Variants in PDCL2 observed in about 807,000 individuals in gnomAD.
PDCL2 encodes the protein phosducin-like protein 2.
A neutral mutation model predicts 30.3 loss-of-function variants in PDCL2; 23 were observed. That is an observed-to-expected ratio of 0.76 (90% confidence interval 0.55 to 1.08). PDCL2 has a LOEUF of 1.08. PDCL2 is among the 50% of genes least tolerant of loss of function. The pLI is 0.00. For synonymous variants in PDCL2, 68 were observed against 86.2 expected, an observed-to-expected ratio of 0.79 and a Z score of 1.17; for missense variants, 243 against 282.3, an observed-to-expected ratio of 0.86 and a Z score of 1.00.
At chr4:55,591,870 T>C (rs1733012364) in intron 1 of PDCL2, among the ~76,000 whole-genome samples, 2 of 152,236 alleles carry the variant, frequency 1.3e-5, no homozygotes, top group Non-Finnish European at 2.9e-5. Flanking sequence ...GTAACAACTC[T>C]TTTAACGTTT....
intron 3 of PDCL2, among the ~76,000 whole-genome samples, chr4:55,574,270 ACAGGTAGGGTGAT>A (rs2110160950): frequency 6.6e-6 from 1 of 152,300 alleles, no homozygotes; most frequent in East Asian, 1.9e-4. Flanking sequence ...TGTGGTAGAG[ACAGGTAGGGTGAT>A]CATCATTGTA....
In PDCL2 at chr4:55,564,701, G is replaced by A. The variant is rs117514818; in HGVS notation, c.363-2089C>T. ...CTTAAGGAGGCTAAGCCTTCATTCC[G>A]ATAAAAAGTGGGTCTAATCCTATCA... On this transcript the variant is annotated intron_variant, in intron 4 of 5. Coordinates refer to ENST00000295645, the MANE Select transcript of PDCL2 (RefSeq NM_152401.3). Among the ~76,000 whole-genome samples the A allele has an allele frequency of 3.0e-4, 45 of 152,236 alleles. No homozygotes were observed. The East Asian group carries it at 7.5e-3, about 25-fold the overall frequency.
At chr4:55,590,459 CAA>C (rs60866606) in intron 1 of PDCL2, among the ~76,000 whole-genome samples, 8 of 95,738 alleles carry the variant, frequency 8.4e-5, no homozygotes, top group Admixed American at 1.2e-4. Context: ...ATCCTGTCTC[CAA>C]AAAAAAAAAA....
intron 3 of PDCL2, among the ~76,000 whole-genome samples, chr4:55,580,592 T>C (rs1732683875): frequency 6.6e-6 from 1 of 152,192 alleles, no homozygotes; most frequent in African/African-American, 2.4e-5. Flanking sequence ...TTGATGAAGT[T>C]ATATTGTACA....
chr4:55,566,429 C>CT (rs59299412), intron 4 of PDCL2, among the ~76,000 whole-genome samples: 39,923 of 126,876 alleles, frequency 0.31, 7,086 homozygotes, highest in Middle Eastern at 0.41. Flanking sequence ...TCCTTTTTCT[C>CT]TTTTTTTTTT....
At chr4:55,575,622 C>T (rs1454528736) in intron 3 of PDCL2, among the ~76,000 whole-genome samples, 1 of 152,154 alleles carries the variant, frequency 6.6e-6, no homozygotes, top group Non-Finnish European at 1.5e-5. Context: ...CATGGGGATA[C>T]ATCATAAACT....
At chr4:55,568,640 T>A (rs761549188) in intron 4 of PDCL2, among the ~76,000 whole-genome samples, 1 of 152,186 alleles carries the variant, frequency 6.6e-6, no homozygotes, top group East Asian at 1.9e-4. Context: ...GGATTCATAG[T>A]ATACCACACC....
chr4:55,580,465 GTAAT>G (rs1275936101), intron 3 of PDCL2, among the ~76,000 whole-genome samples: 1 of 152,096 alleles, frequency 6.6e-6, no homozygotes, highest in Non-Finnish European at 1.5e-5. Flanking sequence ...TTTAAGAATA[GTAAT>G]TAATTATTCA....
At chr4:55,569,974 C>T (rs1387328753) in intron 3 of PDCL2, 113 bp from the exon 4 acceptor site, 3 of 683,792 alleles carry the variant, frequency 4.4e-6, no homozygotes, top group Non-Finnish European at 6.6e-6. Flanking sequence ...ATATCAAACA[C>T]TTTAAATGAT....
At chr4:55,557,949 TA>T (rs1732015402) in intron 5 of PDCL2, among the ~76,000 whole-genome samples, 8 of 10,594 alleles carry the variant, frequency 7.6e-4, no homozygotes, top group African/African-American at 2.1e-3. Flanking sequence ...CTACTAAAAA[TA>T]CAAAAAAAAA....
chr4:55,588,798 G>A (rs908300893), intron 1 of PDCL2, among the ~76,000 whole-genome samples: 4 of 151,778 alleles, frequency 2.6e-5, no homozygotes, highest in Admixed American at 6.6e-5. Flanking sequence ...AAATATGTGT[G>A]GGTTTATTTC....
At chr4:55,580,343 T>C (rs1034482487) in intron 3 of PDCL2, among the ~76,000 whole-genome samples, 1 of 152,206 alleles carries the variant, frequency 6.6e-6, no homozygotes, top group Non-Finnish European at 1.5e-5. Flanking sequence ...GGATAAATAC[T>C]GGTCTTGTAA....
At chr4:55,580,104 C>T (rs1395136881) in intron 3 of PDCL2, among the ~76,000 whole-genome samples, 6 of 151,748 alleles carry the variant, frequency 4.0e-5, no homozygotes, top group Non-Finnish European at 8.8e-5. Flanking sequence ...GCCTCAGCCT[C>T]CCAAAGTGCT....
At chr4:55,570,799 T>C (rs1732402077) in intron 3 of PDCL2, among the ~76,000 whole-genome samples, 1 of 152,214 alleles carries the variant, frequency 6.6e-6, no homozygotes, top group Non-Finnish European at 1.5e-5. Flanking sequence ...GGTTTCTGAC[T>C]GTCTGCAAGT....
intron 3 of PDCL2, among the ~76,000 whole-genome samples, chr4:55,575,069 C>A (rs994746850): frequency 6.6e-6 from 1 of 152,126 alleles, no homozygotes; most frequent in Non-Finnish European, 1.5e-5. Flanking sequence ...TTATTATAAC[C>A]ACCTTAGTGT....
At chr4:55,591,053 T>C (rs532868566) in intron 1 of PDCL2, among the ~76,000 whole-genome samples, 1 of 152,284 alleles carries the variant, frequency 6.6e-6, no homozygotes, top group Non-Finnish European at 1.5e-5. Flanking sequence ...TCAGGACAAA[T>C]CTGCAATGTT....
intron 5 of PDCL2, 24 bp from the exon 6 acceptor site, chr4:55,556,735 A>T: frequency 6.7e-7 from 1 of 1,482,490 alleles, no homozygotes; most frequent in South Asian, 1.4e-5. Context: ...CCCATCATTC[A>T]GTTAAAAATC....
chr4:55,569,739 A>G lies in PDCL2; in HGVS notation c.341T>C (p.Ile114Thr). 1 of 1,557,658 alleles carries G rather than the reference A, an allele frequency of 6.4e-7. No individual in the cohort carries two copies. The highest frequency in any genetic ancestry group is 1.2e-5 in the South Asian group (1 of 83,976). Residue 114 changes from isoleucine to threonine, a missense_variant, in exon 4 of 6, where the codon ATA becomes ACA. By Grantham distance (89) the Ile-to-Thr change is moderately conservative (BLOSUM62 -1). Transcript: ENST00000295645. Reference protein sequence around the residue: ...VTNAEEDVWVIIHLYRSSIPM... With the variant: ...VTNAEEDVWVTIHLYRSSIPM... ...TTACCTTGATCTGTATAGATGAATT[A>G]TAACCCACACATCTTCTTCTGCATT...
intron 4 of PDCL2, among the ~76,000 whole-genome samples, chr4:55,566,788 A>T (rs1732280463): frequency 9.5e-6 from 1 of 105,138 alleles, no homozygotes; most frequent in Non-Finnish European, 1.9e-5. Flanking sequence ...AGAGTGGCCC[A>T]GAAAAACCTT....
Sources: gnomAD v4.1 joint callset for allele counts (sites outside exome capture counted in the v4.1 genomes callset) on GRCh38, gnomAD v4.1.1 for gene constraint, MANE v1.5 for transcripts, NCBI Gene and HGNC (gene_info 2026-07-23, HGNC 2026-07-21) for gene names.